COMMD9: variants seen among roughly 807,000 people sequenced by gnomAD.
COMMD9 encodes COMM domain-containing protein 9.
Under a neutral mutation model 23.4 loss-of-function variants are expected in COMMD9, and 22 were observed. That is an observed-to-expected ratio of 0.94 (90% CI 0.67 to 1.34). The LOEUF is 1.34. Among genes scored for constraint, COMMD9 ranks in the 40% most tolerant of loss-of-function variants. The pLI, the probability that COMMD9 is intolerant of heterozygous loss-of-function variation, is 0.00. For missense variants in COMMD9, 231 were observed against 240.2 expected, an observed-to-expected ratio of 0.96 and a Z score of 0.25; for synonymous variants, 99 against 97.4, an observed-to-expected ratio of 1.02 and a Z score of -0.10.
intron 3 of COMMD9, among the ~76,000 whole-genome samples, chr11:36,277,447 TCTC>T (rs1218907537): frequency 6.6e-6 from 1 of 152,236 alleles, no homozygotes; most frequent in African/African-American, 2.4e-5. Flanking sequence ...CAACTTATCT[TCTC>T]TTTATTGAGC....
chr11:36,288,236 A>C (rs2133438508), intron 1 of COMMD9, among the ~76,000 whole-genome samples: 1 of 152,312 alleles, frequency 6.6e-6, no homozygotes, highest in South Asian at 2.1e-4. Context: ...GAGAATGCTA[A>C]TGAACACTGA....
Position 36,274,639 on chromosome 11 carries a change from C to A in COMMD9, c.590G>T (p.Ser197Ile), listed in dbSNP as rs779344564. ...RIRDQLSAVA[S>I]K Reference sequence around the variant, plus strand: ...CCCTGGCAGCTGGCTGGATCATTTACTGGCCACGGCAGAGAGTTGGTCTCG... The same window carrying A: ...CCCTGGCAGCTGGCTGGATCATTTAATGGCCACGGCAGAGAGTTGGTCTCG... Residue 197 changes from serine (S) to isoleucine (I), a missense_variant, in exon 6 of 6, where the codon AGT (serine) becomes ATT (isoleucine). Physicochemically the swap from Ser to Ile is moderately radical, Grantham distance 142 (BLOSUM62 -2). Coordinates refer to ENST00000263401, the MANE Select transcript of COMMD9 (RefSeq NM_014186.4). The A allele has an allele frequency of 6.2e-7, 1 of 1,614,256 alleles. No individual in the cohort carries two copies. The highest frequency in any genetic ancestry group is 8.5e-7 in the Non-Finnish European group (1 of 1,180,040).
intron 1 of COMMD9, among the ~76,000 whole-genome samples, chr11:36,287,781 A>T (rs1478544774): frequency 6.6e-6 from 1 of 152,160 alleles, no homozygotes; most frequent in Non-Finnish European, 1.5e-5. Context: ...TTGTATCAGA[A>T]GCAAACATAG....
chr11:36,280,997 C>A (rs1856057013), intron 1 of COMMD9, among the ~76,000 whole-genome samples, 160 bp from the exon 2 acceptor site: 1 of 152,152 alleles, frequency 6.6e-6, no homozygotes, highest in African/African-American at 2.4e-5. Context: ...GTACTTTTCC[C>A]TAATCTTGCT....
Position 36,289,419 on chromosome 11 carries a change from G to A in COMMD9, c.-7C>T. On this transcript the variant is annotated 5_prime_UTR_variant, in exon 1 of 6. Coordinates refer to ENST00000263401, the MANE Select transcript of COMMD9 (RefSeq NM_014186.4). ...CCGCTGTCAGGGCAGCCATCTTGCC[G>A]AAGTCACATGACCGTGGCACCCAGG... The A allele has an allele frequency of 6.4e-7, 1 of 1,551,798 alleles. No homozygotes were observed. Among genetic ancestry groups the A allele is most frequent in the Non-Finnish European group, 8.7e-7 (1 of 1,147,054 alleles).
intron 1 of COMMD9, among the ~76,000 whole-genome samples, chr11:36,285,129 G>A (rs1382272350): frequency 1.3e-5 from 2 of 152,176 alleles, no homozygotes; most frequent in East Asian, 3.9e-4. Flanking sequence ...GACAGACAAA[G>A]TTAAGAGGGG....
chr11:36,282,424 T>TA (rs1008464397), intron 1 of COMMD9, among the ~76,000 whole-genome samples: 2 of 150,786 alleles, frequency 1.3e-5, no homozygotes, highest in African/African-American at 2.4e-5. Flanking sequence ...CTTACCTATT[T>TA]AAAAAAAACA....
At chr11:36,274,834 A>T in intron 5 of COMMD9, 62 bp from the exon 6 acceptor site, 1 of 1,597,230 alleles carries the variant, frequency 6.3e-7, no homozygotes, top group Non-Finnish European at 8.5e-7. Flanking sequence ...CCTGTAAGTG[A>T]GCCCTGAACC....
At chr11:36,277,015 T>C (rs1180870156) in intron 4 of COMMD9, 74 bp downstream of exon 4, 33 of 1,341,972 alleles carry the variant, frequency 2.5e-5, no homozygotes, top group Non-Finnish European at 3.3e-5. Context: ...CCAAAATCTC[T>C]GATCACTTGG....
chr11:36,278,821 G>C (rs12801891), intron 2 of COMMD9, among the ~76,000 whole-genome samples: 1 of 152,180 alleles, frequency 6.6e-6, no homozygotes, highest in South Asian at 2.1e-4. Context: ...TGCTTTAGAA[G>C]ACAGATGCAG....
In COMMD9 at chr11:36,280,133, G is replaced by A. The variant is rs553951376; in HGVS notation, c.177+579C>T. On this transcript the variant is annotated intron_variant, in intron 2 of 5. Transcript: ENST00000263401. ...AAATAAAAAAAATCCAAAAACATAG[G>A]CCCATTTAGATGAAGAAAGTGCTGT... Among the ~76,000 whole-genome samples the A allele has an allele frequency of 1.9e-3, 295 of 152,194 alleles. 1 individual carries two copies. Among genetic ancestry groups the A allele is most frequent in the Non-Finnish European group, 3.6e-3 (244 of 67,996 alleles).
At chr11:36,286,365 C>T (rs187976373) in intron 1 of COMMD9, among the ~76,000 whole-genome samples, 5 of 123,562 alleles carry the variant, frequency 4.0e-5, no homozygotes, top group Admixed American at 2.1e-4. Flanking sequence ...GCCTGGCCAA[C>T]GTGGGGAAAC....
chr11:36,284,238 G>A (rs1040087365), intron 1 of COMMD9, among the ~76,000 whole-genome samples: 2 of 152,124 alleles, frequency 1.3e-5, no homozygotes, highest in Non-Finnish European at 2.9e-5. Flanking sequence ...AGTAAGAGTG[G>A]CTAAATTAAT....
rs529837797 is a variant in COMMD9, at chr11:36,280,717, C to G, written c.172G>C (p.Glu58Gln). The G allele has an allele frequency of 2.5e-6, 4 of 1,598,654 alleles. No individual in the cohort carries two copies. Among genetic ancestry groups the G allele is most frequent in the Non-Finnish European group, 3.4e-6 (4 of 1,172,386 alleles). The stretch of plus-strand genomic sequence containing the variant: ...TCATTTCTGACCACACTTACTTCCT[C>G]TGCCTCCTCCTGGGTCACAGACAAG... ...SSLSVTQEEA[E>Q]ELLQALHRLT... The change falls in exon 2 of 6, where the codon GAG (glutamate) becomes CAG (glutamine). Residue 58 changes from glutamate to glutamine, a missense_variant. Transcript: ENST00000263401.
At chr11:36,276,283 T>G (rs781111677) in intron 4 of COMMD9, 43 bp from the exon 5 acceptor site, 1 of 1,399,240 alleles carries the variant, frequency 7.1e-7, no homozygotes, top group South Asian at 1.2e-5. Flanking sequence ...GCCGCCCGTG[T>G]TTACCAAGCA....
chr11:36,288,898 C>T (rs1201648747), intron 1 of COMMD9, among the ~76,000 whole-genome samples: 1 of 152,172 alleles, frequency 6.6e-6, no homozygotes, highest in Non-Finnish European at 1.5e-5. Context: ...GTATGTCCTG[C>T]CCCTTTCGCA....
intron 2 of COMMD9, among the ~76,000 whole-genome samples, chr11:36,279,241 C>T (rs1469645359): frequency 6.6e-6 from 1 of 152,216 alleles, no homozygotes; most frequent in African/African-American, 2.4e-5. Context: ...CAGCTCCTGG[C>T]CGGCTGTGCG....
At chr11:36,279,970 G>T (rs1188906267) in intron 2 of COMMD9, among the ~76,000 whole-genome samples, 1 of 152,116 alleles carries the variant, frequency 6.6e-6, no homozygotes, top group African/African-American at 2.4e-5. Flanking sequence ...GCCAGGCATC[G>T]TGGCATATGC....
At chr11:36,275,798 CAAG>C (rs1376195338) in intron 5 of COMMD9, among the ~76,000 whole-genome samples, 1 of 152,148 alleles carries the variant, frequency 6.6e-6, no homozygotes. Context: ...AATCACTGGA[CAAG>C]AAGTTGCTGA....
Sources: gnomAD v4.1 joint callset for allele counts (sites outside exome capture counted in the v4.1 genomes callset) on GRCh38, gnomAD v4.1.1 for gene constraint, MANE v1.5 for transcripts, NCBI Gene and HGNC (gene_info 2026-07-23, HGNC 2026-07-21) for gene names.